SLC26A3: variants seen among roughly 807,000 people sequenced by gnomAD.
The protein encoded by SLC26A3 is chloride anion exchanger.
Under a neutral mutation model 85.6 loss-of-function variants are expected in SLC26A3, and 64 were observed. The observed-to-expected ratio is 0.75, with a 90% CI of 0.61 to 0.92. The LOEUF (loss-of-function observed/expected upper bound fraction) is 0.92, where lower values mean the gene tolerates loss of function less well. Ranked by LOEUF, SLC26A3 falls within the 40% of genes least tolerant of loss-of-function variation. The pLI is 0.00. For synonymous variants in SLC26A3, 349 were observed against 336.0 expected (o/e 1.04, Z -0.42); for missense variants, 922 against 927.3 (o/e 0.99, Z 0.07).
intron 17 of SLC26A3, 145 bp from the exon 18 acceptor site, chr7:107,772,253 T>C: frequency 1.6e-6 from 1 of 636,970 alleles, no homozygotes; most frequent in Non-Finnish European, 2.8e-6. Flanking sequence ...TGTCAGAAGA[T>C]ACTAAAGTTA....
At chr7:107,779,393 G>T (rs1169910640) in intron 12 of SLC26A3, among the ~76,000 whole-genome samples, 2 of 152,150 alleles carry the variant, frequency 1.3e-5, no homozygotes, top group African/African-American at 4.8e-5. Flanking sequence ...ATTACTGCAA[G>T]AACTTTTAGA....
At chr7:107,793,641 G>T in intron 3 of SLC26A3, 101 bp downstream of exon 3, 1 of 879,234 alleles carries the variant, frequency 1.1e-6, no homozygotes, top group Non-Finnish European at 1.8e-6. Flanking sequence ...AGATAGTGGT[G>T]ACAGATGCAC....
At chr7:107,780,535 T>C (rs1562877673) in intron 11 of SLC26A3, among the ~76,000 whole-genome samples, 1 of 152,224 alleles carries the variant, frequency 6.6e-6, no homozygotes, top group Non-Finnish European at 1.5e-5. Context: ...CTCACCGTCC[T>C]GTTCCCCCTG....
At chr7:107,793,608 G>C (rs1228704747) in intron 3 of SLC26A3, 134 bp downstream of exon 3, 1 of 679,150 alleles carries the variant, frequency 1.5e-6, no homozygotes, top group Admixed American at 2.5e-5. Flanking sequence ...AGGGGTTGGT[G>C]GTGGTGAAAA....
chr7:107,776,877 T>C lies in SLC26A3; in HGVS notation c.1515-171A>G, dbSNP rs1182802316. 4 of 681,134 alleles carry C rather than the reference T, an allele frequency of 5.9e-6. No individual in the cohort carries two copies. In the Admixed American group the frequency reaches 8.7e-5, roughly 15 times the overall value. The allele number at this position is 681,134 out of a possible 1,614,324, so 42.2% of individuals were successfully genotyped here. On this transcript the variant is annotated intron_variant, in intron 13 of 20. Coordinates refer to ENST00000340010, the MANE Select transcript of SLC26A3 (RefSeq NM_000111.3). ...GAAGGTGAACACCTTGTTTTACTTA[T>C]CTTTGTGTCCTCTCACAGCACCTGA...
At position 107,769,266 on chromosome 7, in the gene SLC26A3, A is replaced by G. The variant is rs981567332; in HGVS notation, c.2063-1358T>C. On this transcript the variant is annotated intron_variant, in intron 18 of 20. Transcript: ENST00000340010. ...GAATATAAATCATTCTTTTATAAAG[A>G]CGCATGCATGCATACATTGATTGCT... Among the ~76,000 whole-genome samples, 14 of 152,298 alleles carry G rather than the reference A, an allele frequency of 9.2e-5. No homozygotes were observed. In the South Asian group the frequency reaches 1.0e-3, roughly 11 times the overall value.
intron 3 of SLC26A3, among the ~76,000 whole-genome samples, chr7:107,793,469 C>A (rs867186559): frequency 6.6e-6 from 1 of 152,088 alleles, no homozygotes; most frequent in African/African-American, 2.4e-5. Context: ...GAAAACATTA[C>A]GGTGAGTGAA....
intron 1 of SLC26A3, among the ~76,000 whole-genome samples, chr7:107,802,402 C>T (rs1172947160): frequency 6.6e-6 from 1 of 152,076 alleles, no homozygotes; most frequent in African/African-American, 2.4e-5. Context: ...TTCTCCCCAT[C>T]TCTCTTCTCT....
chr7:107,790,267 T>G (rs1366954880), intron 5 of SLC26A3, among the ~76,000 whole-genome samples: 1 of 152,220 alleles, frequency 6.6e-6, no homozygotes, highest in Non-Finnish European at 1.5e-5. Context: ...TCTCCTTCCC[T>G]TGGATACTTG....
In SLC26A3 at chr7:107,767,566, T is replaced by A; in HGVS notation, c.2271+13A>T. The A allele has an allele frequency of 6.3e-7, 1 of 1,591,086 alleles. No individual in the cohort carries two copies. Among genetic ancestry groups the A allele is most frequent in the African/African-American group, 1.3e-5 (1 of 74,574 alleles). ...GATGTCTAGGTGAAGATAAACCTGT[T>A]GAAGAATCTTACCTCATATACCCGA... On this transcript the variant is annotated intron_variant, in intron 20 of 20. Transcript: ENST00000340010.
intron 15 of SLC26A3, 130 bp from the exon 16 acceptor site, chr7:107,775,002 A>T: frequency 1.3e-6 from 1 of 780,714 alleles, no homozygotes; most frequent in South Asian, 1.4e-5. Context: ...GACAAAATTT[A>T]AAAGTGGTTT....
At chr7:107,782,018 TA>T (rs1794222622) in intron 11 of SLC26A3, among the ~76,000 whole-genome samples, 1 of 152,208 alleles carries the variant, frequency 6.6e-6, no homozygotes, top group Non-Finnish European at 1.5e-5. Context: ...TTTCCCTTTC[TA>T]TTTTACAAAT....
chr7:107,774,765 C>A lies in SLC26A3; in HGVS notation c.1773+12G>T. On this transcript the variant is annotated intron_variant, in intron 16 of 20. Coordinates refer to ENST00000340010, the MANE Select transcript of SLC26A3 (RefSeq NM_000111.3). ...TAGCTATAATGCATAGAAATGTGGT[C>A]AAGGAACTTACTGGTGTCACTTGTA... 2 of 1,601,304 alleles carry A rather than the reference C, an allele frequency of 1.2e-6. No individual in the cohort carries two copies. Among genetic ancestry groups the A allele is most frequent in the South Asian group, 2.2e-5 (2 of 90,720 alleles).
intron 18 of SLC26A3, among the ~76,000 whole-genome samples, chr7:107,770,102 G>A (rs544681858): frequency 3.4e-4 from 19 of 55,344 alleles, no homozygotes; most frequent in Admixed American, 9.3e-4. Flanking sequence ...TTCTTATTTC[G>A]TCTTTCTTCT....
intron 5 of SLC26A3, 133 bp downstream of exon 5, chr7:107,790,915 C>T: frequency 1.1e-6 from 1 of 939,710 alleles, no homozygotes; most frequent in Non-Finnish European, 1.7e-6. Context: ...TACAGTATTT[C>T]CTATGGGCCA....
chr7:107,789,827 C>CAGGAGGCAGGGACATT, intron 5 of SLC26A3, 139 bp from the exon 6 acceptor site: 9 of 895,106 alleles, frequency 1.0e-5, no homozygotes, highest in South Asian at 1.6e-5. Flanking sequence ...GCAAATGTCC[C>CAGGAGGCAGGGACATT]TGCCTCCTGG....
rs751317669 is a variant in SLC26A3 at position 107,767,603 on chromosome 7, T to A, written c.2247A>T (p.Gly749=). 2 of 1,609,490 alleles carry A rather than the reference T, an allele frequency of 1.2e-6. No individual in the cohort carries two copies. Among genetic ancestry groups the A allele is most frequent in the Admixed American group, 1.7e-5 (1 of 59,922 alleles). The change falls in exon 20 of 21, where the codon GGA becomes GGT. Residue 749 remains glycine (G), a synonymous_variant. Transcript: ENST00000340010. ...CCTCATATACCCGATTACGTAATCC[T>A]CCATTTGTATTTATGGTAAAATCAA... ...GKIDFTINTN[G]GLRNRVYEVP...
chr7:107,783,980 G>A (rs186355994), intron 8 of SLC26A3, among the ~76,000 whole-genome samples: 2 of 152,230 alleles, frequency 1.3e-5, no homozygotes, highest in Non-Finnish European at 2.9e-5. Context: ...CATGAATGTA[G>A]ACCAGTTCAA....
At chr7:107,771,508 A>C (rs900942217) in intron 18 of SLC26A3, among the ~76,000 whole-genome samples, 9 of 152,162 alleles carry the variant, frequency 5.9e-5, no homozygotes, top group Non-Finnish European at 1.2e-4. Context: ...TCAGACCCTG[A>C]GGAGATGTTT....
Sources: allele counts gnomAD v4.1 joint callset (sites outside exome capture counted in the v4.1 genomes callset), GRCh38; gene constraint gnomAD v4.1.1; transcripts MANE v1.5; gene names NCBI Gene and HGNC (gene_info 2026-07-23, HGNC 2026-07-21).